Variants in MASTL observed in about 807,000 individuals in gnomAD.
MASTL encodes the protein microtubule associated serine/threonine kinase like, also known as serine/threonine-protein kinase greatwall.
MASTL carries 54 observed loss-of-function variants against 82.5 expected under a neutral mutation model. That is an observed-to-expected ratio of 0.65 (90% CI 0.53 to 0.82). The LOEUF is 0.82. Ranked by LOEUF, MASTL falls within the 40% of genes least tolerant of loss-of-function variation. The pLI, the probability that MASTL is intolerant of heterozygous loss-of-function variation, is 0.00. For missense variants in MASTL, 950 were observed against 1,047.8 expected (o/e 0.91, Z 1.29); for synonymous variants, 323 against 368.9 (o/e 0.88, Z 1.43).
At chr10:27,164,698 C>T (rs761025951) in intron 4 of MASTL, among the ~76,000 whole-genome samples, 3 of 151,970 alleles carry the variant, frequency 2.0e-5, no homozygotes, top group Non-Finnish European at 4.4e-5. Flanking sequence ...AGTGCAGTAG[C>T]GCGATCTCGG....
rs769129088 is a variant in MASTL, at chr10:27,158,698, AT to A, written c.324+17del. The A allele has an allele frequency of 6.2e-7, 1 of 1,612,934 alleles. No individual in the cohort carries two copies. Among genetic ancestry groups the A allele is most frequent in the South Asian group, 1.1e-5 (1 of 91,056 alleles). ...ACAATGTCTACTTGGTGAGTAAATA[AT>A]TTTTATGTTGTTTCTTTATCCATTA... On this transcript the variant is annotated intron_variant, in intron 2 of 11. Transcript: ENST00000375940.
At position 27,173,110 on chromosome 10, in the gene MASTL, T is replaced by C. The variant is rs2058002293; in HGVS notation, c.2125-8T>C. 1 of 1,614,130 alleles carries C rather than the reference T, an allele frequency of 6.2e-7. No individual in the cohort carries two copies. Among genetic ancestry groups the C allele is most frequent in the East Asian group, 2.2e-5 (1 of 44,882 alleles). On this transcript the variant is annotated splice_region_variant and splice_polypyrimidine_tract_variant and intron_variant, in intron 8 of 11. Coordinates refer to ENST00000375940, the MANE Select transcript of MASTL (RefSeq NM_001172303.3). ...TATTTGTTATCTCTTAAACCCTTTTTGAATTAGCAGACCCCAAATCAGATC... is the reference window on the plus strand; with the variant it reads ...TATTTGTTATCTCTTAAACCCTTTTCGAATTAGCAGACCCCAAATCAGATC...
At chr10:27,156,987 G>A (rs968606250) in intron 1 of MASTL, among the ~76,000 whole-genome samples, 1 of 151,302 alleles carries the variant, frequency 6.6e-6, no homozygotes, top group East Asian at 1.9e-4. Flanking sequence ...ATTTTTAGTA[G>A]AGACGGGGTT....
intron 1 of MASTL, among the ~76,000 whole-genome samples, chr10:27,157,002 C>T (rs995930225): frequency 6.6e-6 from 1 of 150,422 alleles, no homozygotes; most frequent in Non-Finnish European, 1.5e-5. Flanking sequence ...GGGGTTTCAC[C>T]ATTTTGGGCA....
chr10:27,160,977 T>C (rs1439354957), intron 3 of MASTL, 117 bp from the exon 4 acceptor site: 6 of 731,048 alleles, frequency 8.2e-6, no homozygotes, highest in Non-Finnish European at 1.5e-5. Context: ...AATGAGTATC[T>C]TTATTTTGGA....
intron 11 of MASTL, among the ~76,000 whole-genome samples, chr10:27,184,714 CCA>C (rs2058562262): frequency 6.6e-6 from 1 of 151,882 alleles, no homozygotes; most frequent in Admixed American, 6.6e-5. Flanking sequence ...CTGCATCCCA[CCA>C]CACCTGGCTA....
intron 8 of MASTL, among the ~76,000 whole-genome samples, chr10:27,172,654 CA>C (rs796642250): frequency 2.0e-4 from 28 of 143,142 alleles, no homozygotes; most frequent in African/African-American, 4.4e-4. Flanking sequence ...AACTCCATCT[CA>C]AAAAAAAAAA....
At chr10:27,155,038 T>G, upstream of MASTL, 1 of 232,680 alleles carries the variant, frequency 4.3e-6, no homozygotes, top group Non-Finnish European at 8.6e-6. Flanking sequence ...CTCGCGAGGG[T>G]GGGAGGTCGT....
chr10:27,170,030 G>C lies in MASTL; in HGVS notation c.1071G>C (p.Thr357=). The change falls in exon 8 of 12, where the codon ACG becomes ACC. Residue 357 remains threonine, a synonymous_variant. Transcript: ENST00000375940. ...CAAAATCTGCAAATGCCATTGAGAC[G>C]AAAGGTTTCAATAAAAAGGATCTGG... The part of the protein sequence containing the change: ...LCAKSANAIE[T]KGFNKKDLEL... 6.2e-7 allele frequency: 1 copy of C among 1,614,106 alleles called. No homozygotes were observed.
intron 5 of MASTL, 100 bp from the exon 6 acceptor site, chr10:27,165,289 C>CT: frequency 1.4e-6 from 2 of 1,424,662 alleles, no homozygotes; most frequent in East Asian, 2.3e-5. Context: ...TTTGGATTTA[C>CT]TTTAACAGTT....
At chr10:27,158,365 G>C (rs1278154761) in intron 1 of MASTL, among the ~76,000 whole-genome samples, 184 bp from the exon 2 acceptor site, 1 of 152,174 alleles carries the variant, frequency 6.6e-6, no homozygotes, top group Non-Finnish European at 1.5e-5. Context: ...AAAGTAGCCA[G>C]ATGTAGTCAT....
intron 4 of MASTL, among the ~76,000 whole-genome samples, chr10:27,164,188 A>C: frequency 6.6e-6 from 1 of 152,174 alleles, no homozygotes; most frequent in African/African-American, 2.4e-5. Context: ...TGTATTACCC[A>C]GGCTGGAGTG....
intron 1 of MASTL, among the ~76,000 whole-genome samples, chr10:27,157,008 G>A (rs563384902): frequency 2.5e-4 from 38 of 151,498 alleles, no homozygotes; most frequent in Non-Finnish European, 4.6e-4. Flanking sequence ...TCACCATTTT[G>A]GGCAGGCTGG....
intron 9 of MASTL, among the ~76,000 whole-genome samples, chr10:27,176,889 A>G (rs926794072): frequency 1.4e-5 from 2 of 145,070 alleles, no homozygotes; most frequent in African/African-American, 5.1e-5. Flanking sequence ...TCTGTTGCCC[A>G]GACTGGAGTG....
In MASTL at chr10:27,170,077, A is replaced by G. The variant is rs752057895; in HGVS notation, c.1118A>G (p.His373Arg). The change falls in exon 8 of 12, where the codon CAT becomes CGT. Residue 373 changes from histidine to arginine, a missense_variant. By Grantham distance (29) the His-to-Arg change is conservative. Coordinates refer to ENST00000375940, the MANE Select transcript of MASTL (RefSeq NM_001172303.3). Reference sequence around the variant, plus strand: ...CTGGAGTTAGCTCTTTCTCCCATTCATAACAGCAGTGCCCTTCCCACCACT... The same window carrying G: ...CTGGAGTTAGCTCTTTCTCCCATTCGTAACAGCAGTGCCCTTCCCACCACT... The part of the protein sequence containing the change: ...KDLELALSPI[H>R]NSSALPTTGR... 24 of 1,614,124 alleles carry G rather than the reference A, an allele frequency of 1.5e-5. No individual in the cohort carries two copies. The South Asian group carries it at 2.2e-4, about 15-fold the overall frequency.
chr10:27,178,079 A>G (rs1308888921), intron 9 of MASTL, among the ~76,000 whole-genome samples: 5 of 152,134 alleles, frequency 3.3e-5, no homozygotes, highest in Non-Finnish European at 4.4e-5. Context: ...ATTATAACAG[A>G]AAAAATAGTA....
chr10:27,173,392 A>G (rs2136100757), intron 9 of MASTL, 133 bp downstream of exon 9: 1 of 958,070 alleles, frequency 1.0e-6, no homozygotes, highest in East Asian at 2.5e-5. Flanking sequence ...TAGTATATAT[A>G]TGGCATTTGT....
At chr10:27,174,307 A>T (rs7910367) in intron 9 of MASTL, among the ~76,000 whole-genome samples, 1 of 151,632 alleles carries the variant, frequency 6.6e-6, no homozygotes, top group East Asian at 1.9e-4. Context: ...GTGAGCCAAG[A>T]TCGTGCCACT....
At chr10:27,175,690 T>G (rs1241047130) in intron 9 of MASTL, among the ~76,000 whole-genome samples, 1 of 152,170 alleles carries the variant, frequency 6.6e-6, no homozygotes, top group Non-Finnish European at 1.5e-5. Flanking sequence ...GTCACCTCCA[T>G]GTTGATGATT....
Sources: gnomAD v4.1 joint callset for allele counts (sites outside exome capture counted in the v4.1 genomes callset) on GRCh38, gnomAD v4.1.1 for gene constraint, MANE v1.5 for transcripts, NCBI Gene and HGNC (gene_info 2026-07-23, HGNC 2026-07-21) for gene names.